Variants in WASF3 observed in about 807,000 individuals in gnomAD.
WASF3 encodes the protein WASP family member 3.
In WASF3, 11 loss-of-function variants were observed where a neutral mutation model predicts 46.6. The observed-to-expected ratio is 0.24, with a 90% CI of 0.15 to 0.39. WASF3 has a LOEUF of 0.39. WASF3 is among the 10% of genes least tolerant of loss of function. The pLI is 1.00. For synonymous variants in WASF3, 242 were observed against 259.7 expected (o/e 0.93, Z 0.65); for missense variants, 576 against 669.8 (o/e 0.86, Z 1.55).
chr13:26,597,619 C>A (rs1880510026), intron 1 of WASF3, among the ~76,000 whole-genome samples: 1 of 152,170 alleles, frequency 6.6e-6, no homozygotes, highest in African/African-American at 2.4e-5. Context: ...TATCCCTCTG[C>A]CTTCCCCCAG....
At chr13:26,683,037 CA>C (rs2137519344) in intron 9 of WASF3, 63 bp downstream of exon 9, 3 of 1,544,956 alleles carry the variant, frequency 1.9e-6, no homozygotes, top group Admixed American at 4.0e-5. Flanking sequence ...TGTCTCCAGC[CA>C]GCTACAGCCT....
chr13:26,552,167 T>C, the WASF3 span, among the ~76,000 whole-genome samples: 1 of 152,198 alleles, frequency 6.6e-6, no homozygotes, highest in Non-Finnish European at 1.5e-5. Context: ...TATCAGTGAG[T>C]CTTGGCTGGG....
In WASF3 at chr13:26,647,084, T is replaced by A. The variant is rs186227713; in HGVS notation, c.133+4681T>A. Among the ~76,000 whole-genome samples, 6 of 152,334 alleles carry A rather than the reference T, an allele frequency of 3.9e-5. No individual in the cohort carries two copies. In the East Asian group the frequency reaches 1.2e-3, roughly 29 times the overall value. On this transcript the variant is annotated intron_variant, in intron 3 of 9. Transcript: ENST00000335327. ...TTCACTTCAAGGGCCAGAAATTTTG[T>A]CACCGTTAAATTTTTAACAGGCTTT...
intron 1 of WASF3, among the ~76,000 whole-genome samples, chr13:26,565,939 A>T (rs915407717): frequency 3.9e-5 from 6 of 152,234 alleles, no homozygotes; most frequent in Non-Finnish European, 8.8e-5. Context: ...TCAAAAAAAA[A>T]TTATGAAAAC....
Position 26,679,932 on chromosome 13 carries a change from C to T in WASF3, c.717-1122C>T, listed in dbSNP as rs1432138553. ...AGGCTTTTCTGTGCCACATGGTGCC[C>T]CAGTTAAGAAAAGCTACCAACTGGA... is the stretch of plus-strand genomic sequence containing the variant. On this transcript the variant is annotated intron_variant, in intron 7 of 9. Transcript: ENST00000335327. This position sits in a 1 kb window ranked among gnomAD's most constrained non-coding sequence, Gnocchi z 4.8. The T allele has an allele frequency of 7.2e-7, 1 of 1,379,882 alleles. No individual in the cohort carries two copies. Among genetic ancestry groups the T allele is most frequent in the Admixed American group, 2.3e-5 (1 of 44,366 alleles). The allele number at this position is 1,379,882 out of a possible 1,614,324, so 85.5% of individuals were successfully genotyped here.
At position 26,660,629 on chromosome 13, in the gene WASF3, G is replaced by A. The variant is rs371198201; in HGVS notation, c.134-4399G>A. Among the ~76,000 whole-genome samples, 34 of 152,158 alleles carry A rather than the reference G, an allele frequency of 2.2e-4. No homozygotes were observed. In the East Asian group the frequency reaches 5.8e-3, roughly 26 times the overall value. On this transcript the variant is annotated intron_variant, in intron 3 of 9. Transcript: ENST00000335327. Reference sequence around the variant, plus strand: ...GAAGGGAGGAGAGTAAGAGTGTAGGGTGAGGAGCAGGGGAAGAGGGAGGGT... The same window carrying A: ...GAAGGGAGGAGAGTAAGAGTGTAGGATGAGGAGCAGGGGAAGAGGGAGGGT...
chr13:26,634,037 G>A (rs1307743742), intron 2 of WASF3, among the ~76,000 whole-genome samples: 2 of 152,126 alleles, frequency 1.3e-5, no homozygotes, highest in Non-Finnish European at 2.9e-5. Context: ...TGAAGTCCTG[G>A]ATATCCTTGT....
At chr13:26,554,540 G>C (rs576622207), upstream of WASF3, among the ~76,000 whole-genome samples, 3 of 152,152 alleles carry the variant, frequency 2.0e-5, no homozygotes, top group African/African-American at 7.2e-5. Context: ...ATACAGCAAA[G>C]GTGACCTTGC....
chr13:26,627,692 A>T (rs1881511019), intron 2 of WASF3, among the ~76,000 whole-genome samples: 1 of 152,094 alleles, frequency 6.6e-6, no homozygotes, highest in South Asian at 2.1e-4. Context: ...AGTTGCTATA[A>T]ACACATACAA....
chr13:26,616,744 G>A lies in WASF3; in HGVS notation c.-11+3686G>A, dbSNP rs148064067. 4.8e-3 allele frequency among the ~76,000 whole-genome samples: 731 copies of A among 152,210 alleles called. 4 individuals are homozygous for A. Among genetic ancestry groups the A allele is most frequent in the Non-Finnish European group, 6.1e-3 (412 of 68,004 alleles). On this transcript the variant is annotated intron_variant, in intron 2 of 9. Transcript: ENST00000335327. ...TGTACATGAGTCAATAGCTGTGCAGGACAGAAGACCCCTAATTAGTGAATA... is the reference window on the plus strand; with the variant it reads ...TGTACATGAGTCAATAGCTGTGCAGAACAGAAGACCCCTAATTAGTGAATA...
upstream of WASF3, among the ~76,000 whole-genome samples, chr13:26,553,353 G>A (rs1261231266): frequency 1.3e-5 from 2 of 152,106 alleles, no homozygotes; most frequent in African/African-American, 4.8e-5. Context: ...TAGTAACGGA[G>A]TCTGGAGGAG....
In WASF3 at chr13:26,564,900, G is replaced by GTTTT. The variant is rs66809412; in HGVS notation, c.-109+7101_-109+7104dup. Among the ~76,000 whole-genome samples, 615 of 81,570 alleles carry GTTTT rather than the reference G, an allele frequency of 7.5e-3. 12 individuals carry two copies. The highest frequency in any genetic ancestry group is 0.015 in the African/African-American group (303 of 20,848). The allele number at this position is 81,570 out of a possible 152,430, so 53.5% of individuals were successfully genotyped here. ...AAAATATGTACATGACAAGGTTGTG[G>GTTTT]TTTTTTTTTTTTTTTTTTTTTTTGC... On this transcript the variant is annotated intron_variant, in intron 1 of 9. Transcript: ENST00000335327.
chr13:26,676,248 G>T (rs1475960407), intron 6 of WASF3, among the ~76,000 whole-genome samples: 1 of 152,164 alleles, frequency 6.6e-6, no homozygotes, highest in Non-Finnish European at 1.5e-5. Flanking sequence ...GAAAGACCTT[G>T]TTTAGGTTTA....
At chr13:26,658,540 C>T (rs985158998) in intron 3 of WASF3, among the ~76,000 whole-genome samples, 4 of 152,298 alleles carry the variant, frequency 2.6e-5, no homozygotes, top group Admixed American at 2.6e-4. Context: ...TTTAAGACAC[C>T]CCAAGGCATA....
chr13:26,624,093 CAAAA>C lies in WASF3; in HGVS notation c.-11+11038_-11+11041del, dbSNP rs200574948. ...CAGCATTCAGCACAAAATTATGAGA[CAAAA>C]AAGGCAAGAAAGAATGACGTGTTGT... On this transcript the variant is annotated intron_variant, in intron 2 of 9. Coordinates refer to ENST00000335327, the MANE Select transcript of WASF3 (RefSeq NM_006646.6). Among the ~76,000 whole-genome samples, 800 of 151,850 alleles carry C rather than the reference CAAAA, an allele frequency of 5.3e-3. 21 individuals carry two copies. The highest frequency in any genetic ancestry group is 0.04 in the Admixed American group (604 of 15,244).
intron 5 of WASF3, among the ~76,000 whole-genome samples, chr13:26,668,959 A>G (rs1882848977): frequency 6.6e-6 from 1 of 152,184 alleles, no homozygotes; most frequent in South Asian, 2.1e-4. Flanking sequence ...CCTCAAACAC[A>G]ATGTAACATG....
chr13:26,681,191 A>G lies in WASF3; in HGVS notation c.854A>G (p.Glu285Gly), dbSNP rs1883217490. 6.2e-7 allele frequency: 1 copy of G among 1,614,088 alleles called. No homozygotes were observed. Residue 285 changes from glutamate to glycine, a missense_variant, in exon 8 of 10, where the codon GAG becomes GGG. Physicochemically the swap from Glu to Gly is moderately conservative, Grantham distance 98 (BLOSUM62 -2). Transcript: ENST00000335327. Reference protein sequence around the residue: ...HGPASQAAEHEYRPPSASARH... With the variant: ...HGPASQAAEHGYRPPSASARH... ...CCTGCAAGCCAGGCTGCGGAGCATG[A>G]GTACCGGCCCCCATCTGCCTCGGCG...
At chr13:26,685,380 G>C (rs1239897996) in intron 9 of WASF3, among the ~76,000 whole-genome samples, 1 of 152,160 alleles carries the variant, frequency 6.6e-6, no homozygotes, top group Admixed American at 6.5e-5. Flanking sequence ...AAGGCTATAT[G>C]TGCCTAGTGG....
chr13:26,551,959 A>G, the WASF3 span, among the ~76,000 whole-genome samples: 1 of 152,236 alleles, frequency 6.6e-6, no homozygotes, highest in Non-Finnish European at 1.5e-5. Context: ...AAATATTGTC[A>G]CAGCACAAAA....
Sources: allele counts gnomAD v4.1 joint callset (sites outside exome capture counted in the v4.1 genomes callset), GRCh38; gene constraint gnomAD v4.1.1; non-coding constraint Gnocchi (gnomAD v3.1); transcripts MANE v1.5; gene names NCBI Gene and HGNC (gene_info 2026-07-23, HGNC 2026-07-21).